AGTRAP: variants seen among roughly 807,000 people sequenced by gnomAD.
The protein encoded by AGTRAP is type-1 angiotensin II receptor-associated protein.
AGTRAP carries 7 observed loss-of-function variants against 15.2 expected under a neutral mutation model. The ratio of observed to expected loss-of-function variants is 0.46; its 90% CI spans 0.26 to 0.87. AGTRAP has a LOEUF of 0.87. Among genes scored for constraint, AGTRAP ranks in the 40% least tolerant of loss-of-function variants. AGTRAP has a pLI of 0.15. For missense variants in AGTRAP, 187 were observed against 213.4 expected (o/e 0.88, Z 0.77); for synonymous variants, 74 against 89.6 (o/e 0.83, Z 0.98).
chr1:11,748,605 A>G lies in AGTRAP; in HGVS notation c.359A>G (p.His120Arg). 5 of 1,605,838 alleles carry G rather than the reference A, an allele frequency of 3.1e-6. No homozygotes were observed. Among genetic ancestry groups the G allele is most frequent in the Non-Finnish European group, 4.2e-6 (5 of 1,179,434 alleles). The change falls in exon 4 of 5, where the codon CAC (histidine) becomes CGC (arginine). Residue 120 changes from histidine to arginine, a missense_variant. Physicochemically the swap from His to Arg is conservative, Grantham distance 29. Transcript: ENST00000314340. ...YRERGGELLV[H>R]TGFLGSSQDR... ...GAGCGCGGGGGTGAGCTCCTGGTCCACACTGGTGAGGCCACCACCTCCAGC... is the reference window on the plus strand; with the variant it reads ...GAGCGCGGGGGTGAGCTCCTGGTCCGCACTGGTGAGGCCACCACCTCCAGC...
chr1:11,742,461 CTTCT>C (rs55765422), intron 1 of AGTRAP, among the ~76,000 whole-genome samples: 4 of 150,094 alleles, frequency 2.7e-5, no homozygotes, highest in African/African-American at 7.4e-5. Flanking sequence ...TCCTTCCTTC[CTTCT>C]TTCCTTCCTT....
At chr1:11,746,133 G>A in intron 2 of AGTRAP, 1 of 1,613,560 alleles carries the variant, frequency 6.2e-7, no homozygotes, top group South Asian at 1.1e-5. Context: ...TGAGCTTCTG[G>A]AGACATTTCT....
chr1:11,750,655 A>C lies in AGTRAP; in HGVS notation c.*463A>C. ...GCCCCGTCCTTCTCACTGCCTGGTC[A>C]CATGGTGCCTAGGGATGCAGGGCTG... On this transcript the variant is annotated 3_prime_UTR_variant, in exon 5 of 5. Transcript: ENST00000314340. The C allele has an allele frequency of 3.3e-6, 1 of 302,372 alleles. No individual in the cohort carries two copies. Among genetic ancestry groups the C allele is most frequent in the South Asian group, 4.8e-5 (1 of 21,034 alleles). 18.7% of individuals were successfully genotyped at this position (302,372 alleles called of 1,614,324 possible).
In AGTRAP at chr1:11,745,854, G is replaced by A. The variant is rs763467653; in HGVS notation, c.62+17G>A. On this transcript the variant is annotated intron_variant, in intron 2 of 4. Transcript: ENST00000314340. The surrounding 1 kb of genome is among the most constrained non-coding windows in gnomAD (Gnocchi z 4.2). ...GACAACCTGGTAAGTGACTCTGTGG[G>A]TATCTTGTGTGTCTCCTGCGGTCTC... The A allele has an allele frequency of 6.2e-7, 1 of 1,613,596 alleles. No homozygotes were observed. The highest frequency in any genetic ancestry group is 1.1e-5 in the South Asian group (1 of 91,058).
intron 3 of AGTRAP, among the ~76,000 whole-genome samples, chr1:11,748,100 G>T (rs1642215195): frequency 6.6e-6 from 1 of 152,182 alleles, no homozygotes; most frequent in African/African-American, 2.4e-5. Flanking sequence ...GAAGGACTGG[G>T]TGAACTCCAA....
rs1641890936 is a variant in AGTRAP, at chr1:11,736,192, C to T, written c.-17C>T. Reference sequence around the variant, plus strand: ...CCCCCCGCGGCTGCGGCGCAGGTGCCCTCGGCCTGAGTCGGGATGGAGCTG... The same window carrying T: ...CCCCCCGCGGCTGCGGCGCAGGTGCTCTCGGCCTGAGTCGGGATGGAGCTG... On this transcript the variant is annotated 5_prime_UTR_variant, in exon 1 of 5. Transcript: ENST00000314340. 1.9e-6 allele frequency: 3 copies of T among 1,602,124 alleles called. No homozygotes were observed. The highest frequency in any genetic ancestry group is 1.7e-6 in the Non-Finnish European group (2 of 1,175,526).
Position 11,750,389 on chromosome 1 carries a change from C to A in AGTRAP, c.*197C>A. 1.6e-6 allele frequency: 1 copy of A among 634,100 alleles called. No homozygotes were observed. The highest frequency in any genetic ancestry group is 2.8e-6 in the Non-Finnish European group (1 of 351,370). The allele number at this position is 634,100 out of a possible 1,614,324, so 39.3% of individuals were successfully genotyped here. A position where few individuals can be genotyped will look rare whatever the true frequency, so the allele number is the denominator to read the frequency against. On this transcript the variant is annotated 3_prime_UTR_variant, in exon 5 of 5. Coordinates refer to ENST00000314340, the MANE Select transcript of AGTRAP (RefSeq NM_020350.5). The stretch of plus-strand genomic sequence containing the variant: ...CACTCCTGTCCCGAACTCCCTGAGG[C>A]CTCCCCTCCCTTCAGGGCACCCACT...
At chr1:11,738,466 G>A (rs943182893) in intron 1 of AGTRAP, among the ~76,000 whole-genome samples, 5 of 152,196 alleles carry the variant, frequency 3.3e-5, no homozygotes, top group African/African-American at 1.2e-4. Flanking sequence ...TTGGGAGGAG[G>A]ATCTGGTGGT....
intron 3 of AGTRAP, among the ~76,000 whole-genome samples, 184 bp from the exon 4 acceptor site, chr1:11,748,231 C>T (rs58751278): frequency 6.6e-6 from 1 of 152,236 alleles, no homozygotes; most frequent in Non-Finnish European, 1.5e-5. Context: ...CCCGGCATCC[C>T]TGCCCCCAGA....
chr1:11,743,153 C>T (rs1159004250), intron 1 of AGTRAP, among the ~76,000 whole-genome samples: 3 of 152,238 alleles, frequency 2.0e-5, no homozygotes, highest in African/African-American at 4.8e-5. Context: ...TTTGCCTGGC[C>T]GAGCCCCGCT....
Position 11,746,606 on chromosome 1 carries a change from C to CAAGAGCA in AGTRAP, c.62+769_62+770insAAGAGCA, listed in dbSNP as rs578188170. On this transcript the variant is annotated intron_variant, in intron 2 of 4. Transcript: ENST00000314340. ...CAAGAGCATGGCCTCTCCAGCCAGA[C>CAAGAGCA]TCCAAATCCCAGCCCCACTGCTCAG... The CAAGAGCA allele has an allele frequency of 4.4e-3, 802 of 182,054 alleles. 7 individuals are homozygous for CAAGAGCA. The highest frequency in any genetic ancestry group is 0.018 in the African/African-American group (764 of 42,574). 11.3% of individuals were successfully genotyped at this position (182,054 alleles called of 1,614,324 possible). A position where few individuals can be genotyped will look rare whatever the true frequency, so the allele number is the denominator to read the frequency against.
chr1:11,743,794 G>A (rs547290756), intron 1 of AGTRAP, among the ~76,000 whole-genome samples: 10 of 151,718 alleles, frequency 6.6e-5, no homozygotes, highest in Non-Finnish European at 1.2e-4. Flanking sequence ...TCGAACTCCC[G>A]ACCTCAGGTG....
At chr1:11,749,226 C>T (rs1642253171) in intron 4 of AGTRAP, among the ~76,000 whole-genome samples, 1 of 152,238 alleles carries the variant, frequency 6.6e-6, no homozygotes, top group Non-Finnish European at 1.5e-5. Context: ...AGCCATTTGC[C>T]TGCTCTCTGA....
In AGTRAP at chr1:11,750,216, C is replaced by G; in HGVS notation, c.*24C>G. 6.3e-7 allele frequency: 1 copy of G among 1,589,616 alleles called. No individual in the cohort carries two copies. Among genetic ancestry groups the G allele is most frequent in the Non-Finnish European group, 8.6e-7 (1 of 1,161,188 alleles). ...GAAGCCAGCCACGCTGCGCCCGGCCCTGCCCCGGGCCTTCCTCGTGCCTGG... is the reference window on the plus strand; with the variant it reads ...GAAGCCAGCCACGCTGCGCCCGGCCGTGCCCCGGGCCTTCCTCGTGCCTGG... On this transcript the variant is annotated 3_prime_UTR_variant, in exon 5 of 5. Coordinates refer to ENST00000314340, the MANE Select transcript of AGTRAP (RefSeq NM_020350.5).
In AGTRAP at chr1:11,736,147, C is replaced by T. The variant is rs1641887863; in HGVS notation, c.-62C>T. ...GGGCGGGGCCGGGCAAGTTTGTTCC[C>T]CGAGTTCGGAGCCTAGGAGCCCCCC... is the stretch of plus-strand genomic sequence containing the variant. On this transcript the variant is annotated 5_prime_UTR_variant, in exon 1 of 5. Transcript: ENST00000314340. The T allele has an allele frequency of 6.4e-6, 10 of 1,565,882 alleles. No individual in the cohort carries two copies. The highest frequency in any genetic ancestry group is 8.7e-6 in the Non-Finnish European group (10 of 1,155,396).
chr1:11,737,272 GC>G (rs1641923309), intron 1 of AGTRAP, among the ~76,000 whole-genome samples: 1 of 152,228 alleles, frequency 6.6e-6, no homozygotes, highest in South Asian at 2.1e-4. Context: ...GGGAGACATG[GC>G]TGGAGCAAGG....
At chr1:11,747,655 C>A in intron 3 of AGTRAP, 110 bp downstream of exon 3, 2 of 1,114,478 alleles carry the variant, frequency 1.8e-6, no homozygotes, top group Non-Finnish European at 2.6e-6. Flanking sequence ...CTTCCTTGGG[C>A]CACCACTTCC....
Position 11,736,171 on chromosome 1 carries a change from C to A in AGTRAP, c.-38C>A, listed in dbSNP as rs760948310. The A allele has an allele frequency of 1.3e-6, 2 of 1,589,648 alleles. No individual in the cohort carries two copies. Among genetic ancestry groups the A allele is most frequent in the Admixed American group, 1.8e-5 (1 of 55,488 alleles). On this transcript the variant is annotated 5_prime_UTR_variant, in exon 1 of 5. Coordinates refer to ENST00000314340, the MANE Select transcript of AGTRAP (RefSeq NM_020350.5). ...CCCGAGTTCGGAGCCTAGGAGCCCCCCGCGGCTGCGGCGCAGGTGCCCTCG... is the reference window on the plus strand; with the variant it reads ...CCCGAGTTCGGAGCCTAGGAGCCCCACGCGGCTGCGGCGCAGGTGCCCTCG...
Position 11,736,154 on chromosome 1 carries a change from C to G in AGTRAP, c.-55C>G. ...GCCGGGCAAGTTTGTTCCCCGAGTT[C>G]GGAGCCTAGGAGCCCCCCGCGGCTG... On this transcript the variant is annotated 5_prime_UTR_variant, in exon 1 of 5. Coordinates refer to ENST00000314340, the MANE Select transcript of AGTRAP (RefSeq NM_020350.5). 1 of 1,572,248 alleles carries G rather than the reference C, an allele frequency of 6.4e-7. No homozygotes were observed. The highest frequency in any genetic ancestry group is 1.3e-5 in the African/African-American group (1 of 74,628).
Sources: gnomAD v4.1 joint callset for allele counts (sites outside exome capture counted in the v4.1 genomes callset) on GRCh38, gnomAD v4.1.1 for gene constraint, Gnocchi (gnomAD v3.1) non-coding constraint, MANE v1.5 for transcripts, NCBI Gene and HGNC (gene_info 2026-07-23, HGNC 2026-07-21) for gene names.